SETD1A: variants seen among roughly 807,000 people sequenced by gnomAD.
The protein encoded by SETD1A is SET domain containing 1A, histone lysine methyltransferase.
SETD1A carries 29 observed loss-of-function variants against 149.9 expected under a neutral mutation model. The ratio of observed to expected loss-of-function variants is 0.19; its 90% CI spans 0.14 to 0.26. The LOEUF (loss-of-function observed/expected upper bound fraction) is 0.26. Ranked by LOEUF, SETD1A falls within the 10% of genes least tolerant of loss-of-function variation. The pLI, the probability that SETD1A is intolerant of heterozygous loss-of-function variation, is 1.00. For synonymous variants in SETD1A, 1,141 were observed against 968.5 expected (o/e 1.18, Z -3.31); for missense variants, 2,109 against 2,353.1 (o/e 0.90, Z 2.15).
chr16:30,965,847 A>G lies in SETD1A; in HGVS notation c.1966A>G (p.Ile656Val). The G allele has an allele frequency of 1.5e-6, 2 of 1,353,104 alleles. No individual in the cohort carries two copies. The highest frequency in any genetic ancestry group is 2.0e-6 in the Non-Finnish European group (2 of 1,019,124). 83.8% of individuals were successfully genotyped at this position (1,353,104 alleles called of 1,614,324 possible). A position where few individuals can be genotyped will look rare whatever the true frequency, so the allele number is the denominator to read the frequency against. Residue 656 changes from isoleucine to valine, a missense_variant, in exon 8 of 19, where the codon ATC becomes GTC. Ile to Val is a conservative substitution (Grantham distance 29, BLOSUM62 3). This residue lies in a region of SETD1A where 431 missense variants were observed against 388.6 expected (regional missense o/e 1.11). Coordinates refer to ENST00000262519, the MANE Select transcript of SETD1A (RefSeq NM_014712.3). The stretch of plus-strand genomic sequence containing the variant: ...CCCACCTCCTCCACCACCCCCGCAC[A>G]TCTATGACTTTGTGAACTCCTTGGA... ...YPPPPPPPPH[I>V]YDFVNSLELM...
intron 3 of SETD1A, among the ~76,000 whole-genome samples, chr16:30,959,785 G>T (rs1405258773): frequency 6.7e-6 from 1 of 148,980 alleles, no homozygotes; most frequent in Non-Finnish European, 1.5e-5. Flanking sequence ...CACTTCACTT[G>T]GACAATCTCT....
At chr16:30,979,027 C>A in intron 13 of SETD1A, 118 bp from the exon 14 acceptor site, 1 of 1,034,186 alleles carries the variant, frequency 9.7e-7, no homozygotes, top group South Asian at 1.7e-5. Flanking sequence ...GTCTGTGTTC[C>A]CTCCGGGGTT....
Position 30,969,409 on chromosome 16 carries a change from T to C in SETD1A, c.2875T>C (p.Phe959Leu). ...GACCCAGGGCAAGCACCGCAAGTCC[T>C]TTGCTCTGGACAGCGAAGGGGAGGA... ...GKTQGKHRKS[F>L]ALDSEGEEAS... is the part of the protein sequence containing the mutation. The change falls in exon 11 of 19, where the codon TTT becomes CTT. Residue 959 changes from phenylalanine (F) to leucine (L), a missense_variant. Around this residue, in one of 8 missense-constraint regions of SETD1A, gnomAD observed 832 missense variants for 815.6 expected, o/e 1.02. Coordinates refer to ENST00000262519, the MANE Select transcript of SETD1A (RefSeq NM_014712.3). The C allele has an allele frequency of 6.2e-7, 1 of 1,614,028 alleles. No individual in the cohort carries two copies. Among genetic ancestry groups the C allele is most frequent in the Non-Finnish European group, 8.5e-7 (1 of 1,179,954 alleles).
In SETD1A at chr16:30,979,955, G is replaced by C; in HGVS notation, c.4169G>C (p.Arg1390Pro). The C allele has an allele frequency of 6.5e-7, 1 of 1,532,234 alleles. No individual in the cohort carries two copies. Among genetic ancestry groups the C allele is most frequent in the South Asian group, 1.2e-5 (1 of 83,384 alleles). The allele number at this position is 1,532,234 out of a possible 1,614,324, so 94.9% of individuals were successfully genotyped here. Residue 1390 changes from arginine (R) to proline (P), a missense_variant, in exon 14 of 19, where the codon CGG becomes CCG. Physicochemically the swap from Arg to Pro is moderately radical, Grantham distance 103 (BLOSUM62 -2). Around this residue, in one of 8 missense-constraint regions of SETD1A, gnomAD observed 832 missense variants for 815.6 expected, o/e 1.02. Coordinates refer to ENST00000262519, the MANE Select transcript of SETD1A (RefSeq NM_014712.3). ...SSSSDGEGAL[R>P]RRSLRSHARR... Reference sequence around the variant, plus strand: ...AGCAGCGATGGGGAGGGCGCCCTCCGGAGGCGCAGCCTCCGCTCCCACGCC... The same window carrying C: ...AGCAGCGATGGGGAGGGCGCCCTCCCGAGGCGCAGCCTCCGCTCCCACGCC...
intron 1 of SETD1A, 25 bp from the exon 2 acceptor site, chr16:30,958,682 CTGATCCTTCT>C: frequency 6.3e-7 from 1 of 1,596,256 alleles, no homozygotes; most frequent in Non-Finnish European, 8.6e-7. Flanking sequence ...GCCCCAAGTC[CTGATCCTTCT>C]TGCGTGTCCC....
At position 30,984,002 on chromosome 16, in the gene SETD1A, C is replaced by T. The variant is rs760622397; in HGVS notation, c.5103C>T (p.Ser1701=). Reference sequence around the variant, plus strand: ...TCCCGTGTCTGTGTGGCACAGAGAGCTGCCGGGGCTCCCTAAACTGAGGTG... The same window carrying T: ...TCCCGTGTCTGTGTGGCACAGAGAGTTGCCGGGGCTCCCTAAACTGAGGTG... ...NKIPCLCGTE[S]CRGSLN The change falls in exon 19 of 19, where the codon AGC becomes AGT. Residue 1701 remains serine, a synonymous_variant. Transcript: ENST00000262519. The T allele has an allele frequency of 1.2e-6, 2 of 1,613,304 alleles. No homozygotes were observed. The highest frequency in any genetic ancestry group is 1.7e-6 in the Non-Finnish European group (2 of 1,179,668).
intron 5 of SETD1A, 95 bp from the exon 6 acceptor site, chr16:30,963,999 A>T: frequency 3.8e-6 from 4 of 1,053,956 alleles, no homozygotes; most frequent in South Asian, 1.5e-5. Context: ...CTCAAAAAAA[A>T]AAAAAGGGAA....
intron 13 of SETD1A, 82 bp from the exon 14 acceptor site, chr16:30,979,063 A>G (rs1231146763): frequency 2.2e-6 from 3 of 1,387,434 alleles, no homozygotes; most frequent in Non-Finnish European, 2.9e-6. Flanking sequence ...GGGAGAGCAC[A>G]CAGCCTGTGG....
chr16:30,963,143 C>T (rs994835636), intron 4 of SETD1A, among the ~76,000 whole-genome samples: 3 of 152,156 alleles, frequency 2.0e-5, no homozygotes, highest in Non-Finnish European at 2.9e-5. Context: ...GCTTTTAAGC[C>T]TCTAGAACAG....
intron 1 of SETD1A, 143 bp from the exon 2 acceptor site, chr16:30,958,574 A>G (rs921388216): frequency 1.5e-6 from 1 of 662,990 alleles, no homozygotes; most frequent in Non-Finnish European, 2.6e-6. Context: ...CTTGGGGGAG[A>G]ATCCGGGGGA....
rs915671434 is a variant in SETD1A, at chr16:30,964,895, C to T, written c.1153C>T (p.Arg385Cys). The T allele has an allele frequency of 1.7e-5, 28 of 1,614,114 alleles. No homozygotes were observed. The highest frequency in any genetic ancestry group is 5.3e-5 in the African/African-American group (4 of 74,932). ...RYQRHTSYPP[R>C]RATREEPPGA... ...CCAGCGCCATACTTCCTACCCACCA[C>T]GCCGGGCCACACGGGAGGAACCCCC... The change falls in exon 7 of 19, where the codon CGC (arginine) becomes TGC (cysteine). Residue 385 changes from arginine to cysteine, a missense_variant. By Grantham distance (180) the Arg-to-Cys change is radical. Around this residue, in one of 8 missense-constraint regions of SETD1A, gnomAD observed 410 missense variants for 394.8 expected, o/e 1.04. Coordinates refer to ENST00000262519, the MANE Select transcript of SETD1A (RefSeq NM_014712.3).
At position 30,966,989 on chromosome 16, in the gene SETD1A, G is replaced by A. The variant is rs1387040841; in HGVS notation, c.2611G>A (p.Gly871Ser). The A allele has an allele frequency of 1.9e-6, 3 of 1,595,910 alleles. No individual in the cohort carries two copies. Among genetic ancestry groups the A allele is most frequent in the Middle Eastern group, 1.6e-4 (1 of 6,064 alleles). Residue 871 changes from glycine to serine, a missense_variant, in exon 9 of 19, where the codon GGC becomes AGC. Physicochemically the swap from Gly to Ser is moderately conservative, Grantham distance 56. Transcript: ENST00000262519. ...CCTCGTGGACTGGGCCAAGAGCGGG[G>A]GCACTACGGGCATCGAGGCTTTCGC... ...LSLVDWAKSG[G>S]TTGIEAFAFG...
At chr16:30,959,018 C>T (rs1345520528) in intron 2 of SETD1A, 73 bp from the exon 3 acceptor site, 2 of 1,440,580 alleles carry the variant, frequency 1.4e-6, no homozygotes, top group African/African-American at 1.4e-5. Context: ...TGTGTGTGTC[C>T]AGATGGGCTG....
intron 8 of SETD1A, 21 bp downstream of exon 8, chr16:30,966,407 CG>C: frequency 6.3e-7 from 1 of 1,584,106 alleles, no homozygotes; most frequent in Non-Finnish European, 8.6e-7. Flanking sequence ...CGCCTGGGAC[CG>C]GGGAGCCCTG....
chr16:30,961,246 C>T lies in SETD1A; in HGVS notation c.247-21C>T. On this transcript the variant is annotated intron_variant, in intron 3 of 18. Transcript: ENST00000262519. The surrounding 1 kb of genome is among the most constrained non-coding windows in gnomAD (Gnocchi z 4.0). ...AGTGGTCAGTGTTGAGACCCCATACCAACTCCTGTTCTTTCCCCAGCTGGA... is the reference window on the plus strand; with the variant it reads ...AGTGGTCAGTGTTGAGACCCCATACTAACTCCTGTTCTTTCCCCAGCTGGA... The T allele has an allele frequency of 6.2e-7, 1 of 1,613,500 alleles. No homozygotes were observed. Among genetic ancestry groups the T allele is most frequent in the Non-Finnish European group, 8.5e-7 (1 of 1,179,564 alleles).
At chr16:30,958,437 T>C in intron 1 of SETD1A, 2 of 375,572 alleles carry the variant, frequency 5.3e-6, no homozygotes, top group South Asian at 6.9e-5. Flanking sequence ...GGGGTCTTGC[T>C]CCGAGGCCAA....
rs1024170002 is a variant in SETD1A, at chr16:30,958,710, C to T, written c.-15-7C>T. ...ATCCTTCTTGCGTGTCCCTCTTCCC[C>T]TAACAGTGTAAATGAGCAAAGATGG... On this transcript the variant is annotated splice_polypyrimidine_tract_variant and splice_region_variant and intron_variant, in intron 1 of 18. Coordinates refer to ENST00000262519, the MANE Select transcript of SETD1A (RefSeq NM_014712.3). The T allele has an allele frequency of 6.2e-7, 1 of 1,613,620 alleles. No homozygotes were observed. The highest frequency in any genetic ancestry group is 8.5e-7 in the Non-Finnish European group (1 of 1,179,624).
intron 5 of SETD1A, among the ~76,000 whole-genome samples, 163 bp from the exon 6 acceptor site, chr16:30,963,931 G>T (rs1596673079): frequency 6.6e-6 from 1 of 151,960 alleles, no homozygotes; most frequent in Non-Finnish European, 1.5e-5. Flanking sequence ...GGCGGAGCTT[G>T]CAGTGAGCCG....
In SETD1A at chr16:30,964,266, C is replaced by A; in HGVS notation, c.812C>A (p.Thr271Asn). Residue 271 changes from threonine to asparagine, a missense_variant, in exon 6 of 19, where the codon ACC becomes AAC. Thr to Asn is a moderately conservative substitution (Grantham distance 65). Transcript: ENST00000262519. Reference protein sequence around the residue: ...GQFTPQSSQGTPYTSRGSTPY... With the variant: ...GQFTPQSSQGNPYTSRGSTPY... ...TTCACACCTCAGTCCTCCCAAGGAA[C>A]CCCCTACACGTCTCGGGGCAGCACC... 2 of 1,614,050 alleles carry A rather than the reference C, an allele frequency of 1.2e-6. No homozygotes were observed. The highest frequency in any genetic ancestry group is 1.6e-4 in the Middle Eastern group (1 of 6,062).
Sources: gnomAD v4.1 joint callset for allele counts (sites outside exome capture counted in the v4.1 genomes callset) on GRCh38, gnomAD v4.1.1 for gene constraint, gnomAD v4.1.1 regional missense constraint, Gnocchi (gnomAD v3.1) non-coding constraint, MANE v1.5 for transcripts, NCBI Gene and HGNC (gene_info 2026-07-23, HGNC 2026-07-21) for gene names.